The following CCR9 variants were observed in gnomAD, a reference collection of about 807,000 sequenced individuals.
The protein encoded by CCR9 is C-C chemokine receptor type 9.
In CCR9, 4 loss-of-function variants were observed where a neutral mutation model predicts 8.7. That is an observed-to-expected ratio of 0.46 (90% confidence interval 0.23 to 1.06). The LOEUF is 1.06. CCR9 is among the 50% of genes least tolerant of loss of function. The probability of loss-of-function intolerance (pLI) is 0.21; values close to 1 mark genes in which losing one functional copy is unlikely to be tolerated. For synonymous variants in CCR9, 159 were observed against 168.8 expected, an observed-to-expected ratio of 0.94 and a Z score of 0.45; for missense variants, 394 against 453.6, an observed-to-expected ratio of 0.87 and a Z score of 1.19.
At chr3:45,894,758 A>G in intron 1 of CCR9, 148 bp from the exon 2 acceptor site, 1 of 636,520 alleles carries the variant, frequency 1.6e-6, no homozygotes, top group Non-Finnish European at 2.8e-6. Context: ...TCTGAAATCT[A>G]GAATACTATA....
At chr3:45,891,633 A>T (rs992747541) in intron 1 of CCR9, among the ~76,000 whole-genome samples, 2 of 152,190 alleles carry the variant, frequency 1.3e-5, no homozygotes, top group African/African-American at 4.8e-5. Flanking sequence ...CAGCACTATC[A>T]TCGAATTCAC....
intron 1 of CCR9, among the ~76,000 whole-genome samples, chr3:45,890,279 T>TATTTATATATATATAAC (rs1559421394): frequency 1.6e-4 from 12 of 75,778 alleles, no homozygotes; most frequent in African/African-American, 3.6e-4. Flanking sequence ...AACATATATA[T>TATTTATATATATATAAC]ATATTTATAT....
rs145991017 is a variant in CCR9, at chr3:45,895,295, A to G, written c.21+341A>G. Reference sequence around the variant, plus strand: ...ATGAGGCAAAGGGAGAATTCATGTAATTTGCTTTTAAAAAACCCATGGTGG... The same window carrying G: ...ATGAGGCAAAGGGAGAATTCATGTAGTTTGCTTTTAAAAAACCCATGGTGG... On this transcript the variant is annotated intron_variant, in intron 2 of 2. Transcript: ENST00000357632. 2.5e-4 allele frequency among the ~76,000 whole-genome samples: 38 copies of G among 152,310 alleles called. 1 individual carries two copies. The highest frequency in any genetic ancestry group is 9.8e-4 in the Admixed American group (15 of 15,306).
At chr3:45,894,556 T>C (rs982778132) in intron 1 of CCR9, among the ~76,000 whole-genome samples, 1 of 152,168 alleles carries the variant, frequency 6.6e-6, no homozygotes, top group South Asian at 2.1e-4. Context: ...AGGGAGCTAA[T>C]GTAGAAAGGA....
At chr3:45,897,468 G>C in intron 2 of CCR9, 1 of 771,170 alleles carries the variant, frequency 1.3e-6, no homozygotes, top group South Asian at 1.5e-5. Context: ...AGTCTTGGGA[G>C]TGTTAGCTGT....
At position 45,901,623 on chromosome 3, in the gene CCR9, A is replaced by G. The variant is rs200703061; in HGVS notation, c.835A>G (p.Ile279Val). The G allele has an allele frequency of 1.2e-6, 2 of 1,614,198 alleles. No individual in the cohort carries two copies. The highest frequency in any genetic ancestry group is 1.1e-5 in the South Asian group (1 of 91,086). ...CAACTGCATTTTGTTGGTGCAGACC[A>G]TTGACGCCTATGCCATGTTCATCTC... ...PYNCILLVQTIDAYAMFISNC... is the reference protein window; with the variant it reads ...PYNCILLVQTVDAYAMFISNC... The change falls in exon 3 of 3, where the codon ATT becomes GTT. Residue 279 changes from isoleucine (I) to valine (V), a missense_variant. Ile to Val is a conservative substitution (Grantham distance 29, BLOSUM62 3). Transcript: ENST00000357632. This position sits in a 1 kb window ranked among gnomAD's most constrained non-coding sequence, Gnocchi z 4.3.
chr3:45,901,130 C>T lies in CCR9; in HGVS notation c.342C>T (p.Phe114=). The T allele has an allele frequency of 6.2e-7, 1 of 1,614,114 alleles. No homozygotes were observed. Among genetic ancestry groups the T allele is most frequent in the Non-Finnish European group, 8.5e-7 (1 of 1,180,016 alleles). Residue 114 remains phenylalanine (F), a synonymous_variant, in exon 3 of 3, where the codon TTC becomes TTT. Transcript: ENST00000357632. This position sits in a 1 kb window ranked among gnomAD's most constrained non-coding sequence, Gnocchi z 4.3. The part of the protein sequence containing the change: ...WAIAAADQWK[F]QTFMCKVVNS... ...TTGCTGCTGCTGACCAGTGGAAGTT[C>T]CAGACCTTCATGTGCAAGGTGGTCA...
At position 45,902,271 on chromosome 3, in the gene CCR9, C is replaced by T. The variant is rs1702583906; in HGVS notation, c.*373C>T. On this transcript the variant is annotated 3_prime_UTR_variant, in exon 3 of 3. Coordinates refer to ENST00000357632, the MANE Select transcript of CCR9 (RefSeq NM_031200.3). ...GCTTCAGTTCTCATGCTGCCTCTTC[C>T]AAAAGGGGACACAGAAGCACTGGCT... The T allele has an allele frequency of 5.2e-6, 1 of 190,916 alleles. No individual in the cohort carries two copies. The highest frequency in any genetic ancestry group is 2.4e-5 in the African/African-American group (1 of 42,266). 11.8% of individuals were successfully genotyped at this position (190,916 alleles called of 1,614,324 possible).
At chr3:45,890,116 T>C (rs1702102170) in intron 1 of CCR9, among the ~76,000 whole-genome samples, 1 of 149,834 alleles carries the variant, frequency 6.7e-6, no homozygotes, top group African/African-American at 2.5e-5. Context: ...AATCTGAAAC[T>C]TGCTGTCACT....
chr3:45,896,754 C>A (rs1430160255), intron 2 of CCR9, among the ~76,000 whole-genome samples: 2 of 152,192 alleles, frequency 1.3e-5, no homozygotes. Context: ...ATAACAAATT[C>A]ATTTTTTCCC....
At chr3:45,894,862 C>T (rs201704049) in intron 1 of CCR9, 44 bp from the exon 2 acceptor site, 6 of 1,410,514 alleles carry the variant, frequency 4.3e-6, no homozygotes, top group Admixed American at 1.7e-5. Context: ...TGTTACTATT[C>T]GTTTACAAGC....
chr3:45,891,635 C>T (rs916950538), intron 1 of CCR9, among the ~76,000 whole-genome samples: 4 of 152,134 alleles, frequency 2.6e-5, no homozygotes, highest in African/African-American at 7.2e-5. Flanking sequence ...GCACTATCAT[C>T]GAATTCACAG....
intron 2 of CCR9, among the ~76,000 whole-genome samples, chr3:45,897,933 G>A (rs1337369124): frequency 1.4e-5 from 2 of 147,412 alleles, no homozygotes; most frequent in African/African-American, 2.5e-5. Context: ...CTTCACAGCC[G>A]TGGGCTCAGG....
intron 2 of CCR9, among the ~76,000 whole-genome samples, chr3:45,896,253 T>C (rs1280068397): frequency 6.6e-6 from 1 of 152,230 alleles, no homozygotes; most frequent in Non-Finnish European, 1.5e-5. Flanking sequence ...TTGCCAGTCA[T>C]TTGCTTTTAT....
rs374799458 is a variant in CCR9, at chr3:45,889,159, AT to A, written c.-29+2510del. On this transcript the variant is annotated intron_variant, in intron 1 of 2. Coordinates refer to ENST00000357632, the MANE Select transcript of CCR9 (RefSeq NM_031200.3). ...GCAACCATGCCTGGCATATTTTTAA[AT>A]TTTTTGTAGAGATGGGGTCTTGCTC... is the stretch of plus-strand genomic sequence containing the variant. Among the ~76,000 whole-genome samples, 1,500 of 152,092 alleles carry A rather than the reference AT, an allele frequency of 9.9e-3. 25 individuals are homozygous for A. Among genetic ancestry groups the A allele is most frequent in the African/African-American group, 0.034 (1,394 of 41,484 alleles).
At chr3:45,893,418 G>A (rs1304908112) in intron 1 of CCR9, among the ~76,000 whole-genome samples, 1 of 152,124 alleles carries the variant, frequency 6.6e-6, no homozygotes. Context: ...GCCTCCCAAA[G>A]TGCTGGGATT....
In CCR9 at chr3:45,901,491, A is replaced by G. The variant is rs756940037; in HGVS notation, c.703A>G (p.Thr235Ala). 2.5e-6 allele frequency: 4 copies of G among 1,614,148 alleles called. No individual in the cohort carries two copies. In the Admixed American group the frequency reaches 6.7e-5, roughly 27 times the overall value. The change falls in exon 3 of 3, where the codon ACC becomes GCC. Residue 235 changes from threonine (T) to alanine (A), a missense_variant. By Grantham distance (58) the Thr-to-Ala change is moderately conservative. Coordinates refer to ENST00000357632, the MANE Select transcript of CCR9 (RefSeq NM_031200.3). This position sits in a 1 kb window ranked among gnomAD's most constrained non-coding sequence, Gnocchi z 4.3. ...LPFVVMACCY[T>A]IIIHTLIQAK... ...CTTCGTGGTCATGGCTTGCTGCTAT[A>G]CCATCATCATTCACACCCTGATACA...
chr3:45,901,347 A>G lies in CCR9; in HGVS notation c.559A>G (p.Ser187Gly), dbSNP rs1035842645. Residue 187 changes from serine to glycine, a missense_variant, in exon 3 of 3, where the codon AGC becomes GGC. Transcript: ENST00000357632. The surrounding 1 kb of genome is among the most constrained non-coding windows in gnomAD (Gnocchi z 4.3). Reference sequence around the variant, plus strand: ...TCTCTGCATCCCAGAAATCTTATACAGCCAAATCAAGGAGGAATCCGGCAT... The same window carrying G: ...TCTCTGCATCCCAGAAATCTTATACGGCCAAATCAAGGAGGAATCCGGCAT... ...AALCIPEILY[S>G]QIKEESGIAI... 2 of 1,614,044 alleles carry G rather than the reference A, an allele frequency of 1.2e-6. No individual in the cohort carries two copies. Among genetic ancestry groups the G allele is most frequent in the African/African-American group, 2.7e-5 (2 of 74,930 alleles).
At chr3:45,891,424 T>C (rs1702175675) in intron 1 of CCR9, among the ~76,000 whole-genome samples, 2 of 152,200 alleles carry the variant, frequency 1.3e-5, no homozygotes, top group South Asian at 4.1e-4. Context: ...ACTGGCTTTA[T>C]TATTCTCCTT....
Sources: gnomAD v4.1 joint callset for allele counts (sites outside exome capture counted in the v4.1 genomes callset) on GRCh38, gnomAD v4.1.1 for gene constraint, Gnocchi (gnomAD v3.1) non-coding constraint, MANE v1.5 for transcripts, NCBI Gene and HGNC (gene_info 2026-07-23, HGNC 2026-07-21) for gene names.